The following DMD variants were observed in gnomAD, a reference collection of about 807,000 sequenced individuals.
DMD encodes dystrophin.
DMD carries 63 observed loss-of-function variants against 330.1 expected under a neutral mutation model. The ratio of observed to expected loss-of-function variants is 0.19; its 90% CI spans 0.16 to 0.24. The LOEUF (loss-of-function observed/expected upper bound fraction) is 0.24. DMD is among the 10% of genes least tolerant of loss of function. The pLI, the probability that DMD is intolerant of heterozygous loss-of-function variation, is 1.00. For synonymous variants in DMD, 1,223 were observed against 959.8 expected (o/e 1.27, Z -5.07); for missense variants, 3,344 against 2,684.1 (o/e 1.25, Z -5.43).
intron 2 of DMD, among the ~76,000 whole-genome samples, chrX:32,872,272 T>C (rs764927619): frequency 2.5e-4 from 28 of 111,876 alleles, no homozygotes; most frequent in Non-Finnish European, 4.3e-4. Flanking sequence ...TTTGACCTGC[T>C]AAGCTGCAAT....
At chrX:31,222,392 C>CAAAAAAAAAAAAAAAAAAAAAAA (rs57227723) in intron 64 of DMD, among the ~76,000 whole-genome samples, 12 of 20,617 alleles carry the variant, frequency 5.8e-4, no homozygotes, top group Admixed American at 9.1e-4. Flanking sequence ...GACTCCATCT[C>CAAAAAAAAAAAAAAAAAAAAAAA]AAAAAAAAAA....
chrX:31,218,993 C>T (rs1390523490), intron 64 of DMD, among the ~76,000 whole-genome samples: 1 of 111,343 alleles, frequency 9.0e-6, no homozygotes, highest in Non-Finnish European at 1.9e-5. Flanking sequence ...TCTACCTCTG[C>T]CACCTACTCA....
chrX:32,009,453 T>C (rs994055096), intron 44 of DMD, among the ~76,000 whole-genome samples: 2 of 112,349 alleles, frequency 1.8e-5, no homozygotes, highest in African/African-American at 6.5e-5. Context: ...TAGACATAAA[T>C]AATTTTTAAA....
intron 4 of DMD, among the ~76,000 whole-genome samples, chrX:32,825,386 T>TC (rs1255633269): frequency 9.0e-6 from 1 of 111,286 alleles, no homozygotes; most frequent in Non-Finnish European, 1.9e-5. Context: ...AGGTCCAATT[T>TC]CCACTATATT....
intron 55 of DMD, among the ~76,000 whole-genome samples, chrX:31,583,081 A>T (rs961606023): frequency 4.5e-5 from 5 of 112,274 alleles, no homozygotes; most frequent in Admixed American, 3.8e-4. Context: ...CAAAAGCCCA[A>T]CCAAATAGAG....
chrX:31,597,970 G>A (rs1054883134), intron 55 of DMD, among the ~76,000 whole-genome samples: 1 of 111,535 alleles, frequency 9.0e-6, no homozygotes, highest in African/African-American at 3.3e-5. Context: ...ACTCTAATAA[G>A]TATCTAGGTA....
intron 60 of DMD, among the ~76,000 whole-genome samples, chrX:31,438,905 C>T (rs1366382570): frequency 9.0e-6 from 1 of 111,621 alleles, no homozygotes; most frequent in Admixed American, 9.5e-5. Context: ...AAAATCCTAT[C>T]TCACCAAAGT....
At chrX:32,853,375 C>T (rs1358797) in intron 2 of DMD, among the ~76,000 whole-genome samples, 41,818 of 110,934 alleles carry the variant, frequency 0.38, 7,674 homozygotes, top group African/African-American at 0.72. Context: ...AGGAAGCTTT[C>T]AGTTAACAAA....
chrX:31,494,065 G>A (rs376805522), intron 57 of DMD, among the ~76,000 whole-genome samples: 33 of 107,314 alleles, frequency 3.1e-4, no homozygotes, highest in East Asian at 2.1e-3. Flanking sequence ...GCTGAGGCGG[G>A]AGAATTGCTT....
chrX:32,897,869 G>A (rs952359052), intron 2 of DMD, among the ~76,000 whole-genome samples: 7 of 66,722 alleles, frequency 1.0e-4, no homozygotes, highest in South Asian at 3.2e-3. Context: ...AAATGGAAAC[G>A]TAATGAGAAT....
At chrX:32,029,082 C>T (rs763293312) in intron 44 of DMD, among the ~76,000 whole-genome samples, 1 of 110,672 alleles carries the variant, frequency 9.0e-6, no homozygotes, top group Admixed American at 9.7e-5. Context: ...CTGAGGTTCA[C>T]GGATAGTAAA....
chrX:32,343,034 C>T (rs996505658), intron 40 of DMD, 100 bp downstream of exon 40: 21 of 868,531 alleles, frequency 2.4e-5, no homozygotes, highest in African/African-American at 2.0e-4. Context: ...TCAAAGAGAA[C>T]GTTAATAGAA....
intron 2 of DMD, among the ~76,000 whole-genome samples, chrX:32,930,306 G>C (rs888129093): frequency 2.7e-5 from 3 of 110,501 alleles, no homozygotes; most frequent in African/African-American, 9.9e-5. Context: ...TTGTTAAGTT[G>C]AACTACTGTA....
chrX:33,214,856 T>C (rs1348262953), upstream of DMD, among the ~76,000 whole-genome samples: 1 of 111,981 alleles, frequency 8.9e-6, no homozygotes, highest in Non-Finnish European at 1.9e-5. Flanking sequence ...TCTTGTTATG[T>C]TGCGCAGGCT....
intron 1 of DMD, among the ~76,000 whole-genome samples, chrX:33,021,369 TA>T (rs201013871): frequency 0.018 from 1,139 of 62,855 alleles, 11 homozygotes; most frequent in Non-Finnish European, 0.025. Flanking sequence ...AGCAAAAGAC[TA>T]TTTTTTTAAT....
At chrX:31,691,108 A>G (rs766965484) in intron 52 of DMD, among the ~76,000 whole-genome samples, 4 of 111,169 alleles carry the variant, frequency 3.6e-5, no homozygotes, top group Non-Finnish European at 7.5e-5. Flanking sequence ...CCTAGAACTT[A>G]AAGTATAATT....
intron 60 of DMD, among the ~76,000 whole-genome samples, chrX:31,406,001 T>C (rs1379601507): frequency 1.8e-5 from 2 of 112,113 alleles, no homozygotes; most frequent in African/African-American, 6.5e-5. Context: ...TAACAAACAG[T>C]GCATGAATTT....
At chrX:31,786,548 G>A (rs1033728312) in intron 50 of DMD, among the ~76,000 whole-genome samples, 1 of 111,178 alleles carries the variant, frequency 9.0e-6, no homozygotes, top group Non-Finnish European at 1.9e-5. Flanking sequence ...CAATATTTGT[G>A]GGGTAAGCAG....
At chrX:32,709,188 AT>A (rs1473576130) in intron 7 of DMD, among the ~76,000 whole-genome samples, 5 of 111,824 alleles carry the variant, frequency 4.5e-5, no homozygotes, top group Non-Finnish European at 9.4e-5. Context: ...ATATCCATGG[AT>A]GTCAAGTAAT....
Sources: gnomAD v4.1 joint callset for allele counts (sites outside exome capture counted in the v4.1 genomes callset) on GRCh38, gnomAD v4.1.1 for gene constraint, MANE v1.5 for transcripts, NCBI Gene and HGNC (gene_info 2026-07-23, HGNC 2026-07-21) for gene names.